Variants in POU2F2 observed in about 807,000 individuals in gnomAD.
POU2F2 encodes POU class 2 homeobox 2.
A neutral mutation model predicts 63.5 loss-of-function variants in POU2F2; 14 were observed. The observed-to-expected ratio is 0.22, with a 90% CI of 0.15 to 0.34. POU2F2 has a LOEUF of 0.34. Ranked by LOEUF, POU2F2 falls within the 10% of genes least tolerant of loss-of-function variation. The probability of loss-of-function intolerance (pLI) is 1.00; values close to 1 mark genes in which losing one functional copy is unlikely to be tolerated. For missense variants in POU2F2, 607 were observed against 815.2 expected (o/e 0.74, Z 3.11); for synonymous variants, 306 against 348.6 (o/e 0.88, Z 1.36).
intron 1 of POU2F2, among the ~76,000 whole-genome samples, chr19:42,130,906 C>T (rs1309635689): frequency 6.9e-5 from 10 of 144,064 alleles, no homozygotes; most frequent in Admixed American, 1.4e-4. Flanking sequence ...GCCCTGACCC[C>T]TCTGCCTGGG....
upstream of POU2F2, among the ~76,000 whole-genome samples, chr19:42,133,276 G>C (rs1332375813): frequency 6.6e-6 from 1 of 152,220 alleles, no homozygotes; most frequent in Non-Finnish European, 1.5e-5. This position sits in a 1 kb window ranked among gnomAD's most constrained non-coding sequence, Gnocchi z 5.1. Context: ...CAATGGGCCG[G>C]AGGGCGGGGC....
intron 2 of POU2F2, among the ~76,000 whole-genome samples, chr19:42,146,410 A>T (rs978224351): frequency 1.9e-4 from 29 of 152,308 alleles, no homozygotes; most frequent in African/African-American, 6.5e-4. Flanking sequence ...CCCCGTCCCC[A>T]GTTATGGCCT....
chr19:42,194,234 TA>T (rs147886917), intron 1 of POU2F2, among the ~76,000 whole-genome samples: 1,950 of 149,642 alleles, frequency 0.013, 31 homozygotes, highest in African/African-American at 0.038. Context: ...AAAATAATAA[TA>T]ATAAGCCAGG....
upstream of POU2F2, among the ~76,000 whole-genome samples, chr19:42,197,612 G>A (rs1174049664): frequency 6.6e-6 from 1 of 152,116 alleles, no homozygotes; most frequent in African/African-American, 2.4e-5. Context: ...TAAGAGAAAC[G>A]AGTTCCTGAG....
At chr19:42,118,658 T>G (rs2032214309) in intron 4 of POU2F2, among the ~76,000 whole-genome samples, 1 of 152,214 alleles carries the variant, frequency 6.6e-6, no homozygotes. Flanking sequence ...CACCCTGGCC[T>G]CCTCCATTCC....
Position 42,099,455 on chromosome 19 carries a change from C to T in POU2F2, c.567+72G>A, listed in dbSNP as rs983477513. 54 of 1,348,508 alleles carry T rather than the reference C, an allele frequency of 4.0e-5. No homozygotes were observed. In the Admixed American group the frequency reaches 9.5e-4, roughly 24 times the overall value. 83.5% of individuals were successfully genotyped at this position (1,348,508 alleles called of 1,614,324 possible). A position where few individuals can be genotyped will look rare whatever the true frequency, so the allele number is the denominator to read the frequency against. On this transcript the variant is annotated intron_variant, in intron 7 of 14. Coordinates refer to ENST00000692977, the MANE Select transcript of POU2F2 (RefSeq NM_001394376.1). The stretch of plus-strand genomic sequence containing the variant: ...GGAAAGGAGACTCTCACTCATCCCC[C>T]ACCCCCGTTTACCCAGCTTTCAGCA...
intron 2 of POU2F2, among the ~76,000 whole-genome samples, chr19:42,160,015 G>A (rs1433415280): frequency 1.3e-5 from 2 of 152,066 alleles, no homozygotes; most frequent in Non-Finnish European, 1.5e-5. Context: ...AAAGAGATTC[G>A]AACATAGGTG....
chr19:42,175,249 C>T (rs2034850713), intron 1 of POU2F2, among the ~76,000 whole-genome samples: 1 of 152,164 alleles, frequency 6.6e-6, no homozygotes, highest in Non-Finnish European at 1.5e-5. Flanking sequence ...CAGACCCAAA[C>T]CCCCACTCAG....
intron 2 of POU2F2, among the ~76,000 whole-genome samples, chr19:42,138,007 G>A (rs533594082): frequency 6.6e-6 from 1 of 152,172 alleles, no homozygotes; most frequent in Non-Finnish European, 1.5e-5. Context: ...GGGCCAGATC[G>A]CACAGGGCCT....
chr19:42,178,244 A>C (rs1266445578), upstream of POU2F2, among the ~76,000 whole-genome samples: 1 of 152,158 alleles, frequency 6.6e-6, no homozygotes, highest in Non-Finnish European at 1.5e-5. Context: ...AGGTCCATGC[A>C]GAGACAGAGA....
At chr19:42,190,028 GT>G in intron 1 of POU2F2, among the ~76,000 whole-genome samples, 1 of 152,258 alleles carries the variant, frequency 6.6e-6, no homozygotes, top group Non-Finnish European at 1.5e-5. Context: ...CACCTGGTGA[GT>G]TTTTTTCTTT....
At chr19:42,187,788 G>A (rs1487937194) in intron 1 of POU2F2, among the ~76,000 whole-genome samples, 1 of 151,114 alleles carries the variant, frequency 6.6e-6, no homozygotes, top group Admixed American at 6.6e-5. Context: ...AAACAGGTGG[G>A]CAGAGAAATG....
intron 5 of POU2F2, among the ~76,000 whole-genome samples, chr19:42,113,651 C>T (rs1221178771): frequency 3.3e-5 from 5 of 152,216 alleles, no homozygotes; most frequent in African/African-American, 1.2e-4. Context: ...TGTGCTTGCT[C>T]CACTGCAGGA....
At position 42,169,879 on chromosome 19, in the gene POU2F2, A is replaced by T. The variant is rs1057330424; in HGVS notation, c.-70+6084T>A. Among the ~76,000 whole-genome samples, 8 of 150,620 alleles carry T rather than the reference A, an allele frequency of 5.3e-5. No individual in the cohort carries two copies. The highest frequency in any genetic ancestry group is 2.6e-4 in the Admixed American group (4 of 15,110). On this transcript the variant is annotated intron_variant, in intron 1 of 6. Coordinates refer to the POU2F2 transcript ENST00000524801. This position sits in a 1 kb window ranked among gnomAD's most constrained non-coding sequence, Gnocchi z 4.3. ...CCTTTTCTCTGTCTCTCTCTCTCTC[A>T]CACACACACCCTTGCTCATATGTGC...
chr19:42,195,324 C>CTTTTGCTT (rs2035129450), intron 1 of POU2F2, among the ~76,000 whole-genome samples: 3 of 141,346 alleles, frequency 2.1e-5, no homozygotes, highest in African/African-American at 8.2e-5. Context: ...TTCCCTCCCT[C>CTTTTGCTT]TTTTTCTTTT....
chr19:42,102,581 A>AC (rs1382983452), intron 5 of POU2F2, among the ~76,000 whole-genome samples: 1 of 151,138 alleles, frequency 6.6e-6, no homozygotes, highest in African/African-American at 2.4e-5. Flanking sequence ...ACATAGTGAG[A>AC]CCCCCATCTC....
chr19:42,091,577 C>A lies in POU2F2; in HGVS notation c.1555G>T (p.Gly519Ter). ...TCAAGGCTGGTAAGGGGCAGGGTTC[C>A]ACCAGAGGCCAGGGCTGGCGGGGAG... ...LATIQALASGGTLPLTSLDGS... is the reference protein window; with the variant it reads ...LATIQALASG Residue 519 changes from glycine (G) to a stop codon, truncating the protein, a stop_gained, in exon 15 of 15, where the codon GGA becomes TGA. Coordinates refer to ENST00000692977, the MANE Select transcript of POU2F2 (RefSeq NM_001394376.1). LOFTEE classifies it high-confidence loss of function. The A allele has an allele frequency of 6.4e-7, 1 of 1,552,806 alleles. No individual in the cohort carries two copies. The highest frequency in any genetic ancestry group is 8.7e-7 in the Non-Finnish European group (1 of 1,147,298).
rs2034466238 is a variant in POU2F2 at position 42,156,845 on chromosome 19, G to C, written c.-9+3487C>G. 6.6e-6 allele frequency: 1 copy of C among 152,246 alleles called. No homozygotes were observed. The highest frequency in any genetic ancestry group is 6.5e-5 in the Admixed American group (1 of 15,276). The allele number at this position is 152,246 out of a possible 1,614,324, so 9.4% of individuals were successfully genotyped here. A position where few individuals can be genotyped will look rare whatever the true frequency, so the allele number is the denominator to read the frequency against. On this transcript the variant is annotated intron_variant, in intron 2 of 6. Transcript: ENST00000524801. This position sits in a 1 kb window ranked among gnomAD's most constrained non-coding sequence, Gnocchi z 4.1. ...TCCTCCTCATGCAGCCTTGAATTCTGTTCCTTCCACGTCACCTCACCAGAC... is the reference window on the plus strand; with the variant it reads ...TCCTCCTCATGCAGCCTTGAATTCTCTTCCTTCCACGTCACCTCACCAGAC...
upstream of POU2F2, chr19:42,132,461 C>T: frequency 7.0e-7 from 1 of 1,420,958 alleles, no homozygotes; most frequent in Non-Finnish European, 9.2e-7. Context: ...TCTCCCCACC[C>T]TCTCTGGGGG....
Sources: gnomAD v4.1 joint callset for allele counts (sites outside exome capture counted in the v4.1 genomes callset) on GRCh38, gnomAD v4.1.1 for gene constraint, Gnocchi (gnomAD v3.1) non-coding constraint, MANE v1.5 for transcripts, NCBI Gene and HGNC (gene_info 2026-07-23, HGNC 2026-07-21) for gene names.